Variants in SENP5 observed in about 807,000 individuals in gnomAD.
The protein encoded by SENP5 is SUMO specific peptidase 5.
SENP5 carries 21 observed loss-of-function variants against 74.2 expected under a neutral mutation model. The observed-to-expected ratio is 0.28, with a 90% confidence interval of 0.20 to 0.41. The LOEUF (loss-of-function observed/expected upper bound fraction) is 0.41, where lower values mean the gene tolerates loss of function less well. Ranked by LOEUF, SENP5 falls within the 10% of genes least tolerant of loss-of-function variation. SENP5 has a pLI of 1.00. For missense variants in SENP5, 717 were observed against 889.1 expected (o/e 0.81, Z 2.46); for synonymous variants, 311 against 312.7 (o/e 0.99, Z 0.06).
chr3:196,877,405 G>A (rs1323685984), intron 1 of SENP5, among the ~76,000 whole-genome samples: 1 of 152,028 alleles, frequency 6.6e-6, no homozygotes, highest in African/African-American at 2.4e-5. Context: ...GGCTGGTCTG[G>A]AACTCCTGAC....
At chr3:196,895,470 G>A (rs1714404485) in intron 2 of SENP5, among the ~76,000 whole-genome samples, 1 of 151,974 alleles carries the variant, frequency 6.6e-6, no homozygotes, top group South Asian at 2.1e-4. Context: ...ACAGGCGTAA[G>A]CCACCGCGCC....
At chr3:196,927,342 G>T (rs1293295457) in intron 7 of SENP5, among the ~76,000 whole-genome samples, 2 of 152,182 alleles carry the variant, frequency 1.3e-5, no homozygotes, top group Non-Finnish European at 2.9e-5. Context: ...CTGACTTACT[G>T]CTGGGAAGGG....
intron 2 of SENP5, among the ~76,000 whole-genome samples, chr3:196,899,145 G>T (rs1714591632): frequency 6.6e-6 from 1 of 151,488 alleles, no homozygotes; most frequent in Middle Eastern, 3.5e-3. Context: ...AGCGTTATTT[G>T]GTGTCATGAG....
chr3:196,878,081 T>C lies in SENP5; in HGVS notation c.-31-7070T>C, dbSNP rs140900887. Among the ~76,000 whole-genome samples the C allele has an allele frequency of 4.0e-3, 612 of 152,172 alleles. 6 individuals are homozygous for C. The highest frequency in any genetic ancestry group is 0.014 in the African/African-American group (577 of 41,518). ...ACAGGAACAATGAGAATAACAACAA[T>C]ATCGTGAAAGCTGGAAAGCAGAAAA... On this transcript the variant is annotated intron_variant, in intron 1 of 9. Transcript: ENST00000323460.
At chr3:196,912,948 T>C (rs1263121292) in intron 6 of SENP5, 3 of 152,188 alleles carry the variant, frequency 2.0e-5, no homozygotes, top group Non-Finnish European at 4.4e-5. Flanking sequence ...GGAATATTAA[T>C]CATATTAATA....
chr3:196,904,600 C>T (rs1714826425), intron 6 of SENP5, among the ~76,000 whole-genome samples: 1 of 152,014 alleles, frequency 6.6e-6, no homozygotes, highest in African/African-American at 2.4e-5. Flanking sequence ...TCAGCCTGGC[C>T]AATGTGGCGA....
chr3:196,911,891 C>T (rs767155349), intron 6 of SENP5, among the ~76,000 whole-genome samples: 4 of 152,140 alleles, frequency 2.6e-5, no homozygotes, highest in Non-Finnish European at 5.9e-5. Flanking sequence ...CCATCTCATG[C>T]GAGTCAGAAA....
chr3:196,911,004 C>G (rs772577218), intron 6 of SENP5, among the ~76,000 whole-genome samples: 7 of 152,158 alleles, frequency 4.6e-5, no homozygotes, highest in Non-Finnish European at 1.0e-4. Flanking sequence ...GCTGGGAAAA[C>G]TGGCTAGCCA....
At position 196,900,279 on chromosome 3, in the gene SENP5, G is replaced by C. The variant is rs1714643513; in HGVS notation, c.1759-86G>C. The C allele has an allele frequency of 2.3e-6, 3 of 1,302,620 alleles. No homozygotes were observed. In the African/African-American group the frequency reaches 4.4e-5, roughly 19 times the overall value. The allele number at this position is 1,302,620 out of a possible 1,614,324, so 80.7% of individuals were successfully genotyped here. Reference sequence around the variant, plus strand: ...TGTACTGAATTGTATAGGGTTAGTAGCCTGGTTTTATTTATTTATTTTGTT... The same window carrying C: ...TGTACTGAATTGTATAGGGTTAGTACCCTGGTTTTATTTATTTATTTTGTT... On this transcript the variant is annotated intron_variant, in intron 4 of 9. Transcript: ENST00000323460.
chr3:196,876,102 T>C (rs1713453016), intron 1 of SENP5, among the ~76,000 whole-genome samples: 1 of 152,162 alleles, frequency 6.6e-6, no homozygotes, highest in African/African-American at 2.4e-5. Flanking sequence ...TATATAGAAG[T>C]GATTTTTCCA....
chr3:196,906,315 A>G (rs956518840), intron 6 of SENP5, among the ~76,000 whole-genome samples: 16 of 152,222 alleles, frequency 1.1e-4, no homozygotes, highest in African/African-American at 3.4e-4. Flanking sequence ...TTACAGTATC[A>G]TAGTGCCAGA....
intron 6 of SENP5, among the ~76,000 whole-genome samples, chr3:196,923,054 C>T (rs942546917): frequency 3.9e-5 from 6 of 152,122 alleles, no homozygotes; most frequent in Non-Finnish European, 7.4e-5. Flanking sequence ...TGCCTGGCCC[C>T]TTATACCATT....
At chr3:196,880,471 A>G (rs1026370901) in intron 1 of SENP5, among the ~76,000 whole-genome samples, 4 of 152,006 alleles carry the variant, frequency 2.6e-5, no homozygotes, top group Non-Finnish European at 5.9e-5. Flanking sequence ...CCTTATTCCA[A>G]TTTTGTCAGT....
intron 7 of SENP5, among the ~76,000 whole-genome samples, chr3:196,923,790 A>C (rs1372965624): frequency 1.3e-5 from 2 of 152,200 alleles, no homozygotes; most frequent in Non-Finnish European, 2.9e-5. Context: ...TTTTCCCTTA[A>C]AACTACATCT....
chr3:196,899,885 G>GT lies in SENP5; in HGVS notation c.1620-31dup, dbSNP rs540175437. 1,148 of 1,603,434 alleles carry GT rather than the reference G, an allele frequency of 7.2e-4. 7 individuals are homozygous for GT. In the African/African-American group the frequency reaches 0.013, roughly 18 times the overall value. The stretch of plus-strand genomic sequence containing the variant: ...TAGCAGTAAATTGAGAAGTACTCAT[G>GT]TTTTTTTTACCTTTTGTTTCAAAAT... On this transcript the variant is annotated intron_variant, in intron 3 of 9. Coordinates refer to ENST00000323460, the MANE Select transcript of SENP5 (RefSeq NM_152699.5).
chr3:196,925,017 A>C (rs143669152), intron 7 of SENP5, among the ~76,000 whole-genome samples: 3 of 152,358 alleles, frequency 2.0e-5, no homozygotes, highest in African/African-American at 7.2e-5. Context: ...GTACACAAAT[A>C]CATGCAGGTG....
chr3:196,893,014 C>T (rs1459272836), intron 2 of SENP5, among the ~76,000 whole-genome samples: 1 of 152,130 alleles, frequency 6.6e-6, no homozygotes, highest in East Asian at 1.9e-4. Flanking sequence ...GTGCAGGTAC[C>T]TCTTCAACAC....
chr3:196,893,251 A>G (rs1395445379), intron 2 of SENP5, among the ~76,000 whole-genome samples: 1 of 152,182 alleles, frequency 6.6e-6, no homozygotes, highest in East Asian at 1.9e-4. Flanking sequence ...GCAGGAGACC[A>G]TTTTTATAAT....
At chr3:196,880,393 T>C (rs1418754909) in intron 1 of SENP5, among the ~76,000 whole-genome samples, 3 of 152,350 alleles carry the variant, frequency 2.0e-5, no homozygotes, top group East Asian at 1.9e-4. Flanking sequence ...TCCAATGTTA[T>C]AGAACTGCAG....
Sources: allele counts gnomAD v4.1 joint callset (sites outside exome capture counted in the v4.1 genomes callset), GRCh38; gene constraint gnomAD v4.1.1; transcripts MANE v1.5; gene names NCBI Gene and HGNC (gene_info 2026-07-23, HGNC 2026-07-21).